Variants in TTLL4 observed in about 807,000 individuals in gnomAD.
The protein encoded by TTLL4 is tubulin tyrosine ligase like 4.
A neutral mutation model predicts 122.7 loss-of-function variants in TTLL4; 85 were observed. That is an observed-to-expected ratio of 0.69 (90% CI 0.58 to 0.83). The LOEUF (loss-of-function observed/expected upper bound fraction) is 0.83. Ranked by LOEUF, TTLL4 falls within the 40% of genes least tolerant of loss-of-function variation. The pLI is 0.00. For missense variants in TTLL4, 1,363 were observed against 1,488.6 expected (o/e 0.92, Z 1.39); for synonymous variants, 553 against 563.0 (o/e 0.98, Z 0.25).
chr2:218,754,713 T>C lies in TTLL4; in HGVS notation c.*324T>C, dbSNP rs1050613385. On this transcript the variant is annotated 3_prime_UTR_variant, in exon 20 of 20. Transcript: ENST00000392102. ...CCTTAAGTGAGCCATGTGTGGTTTG[T>C]CTGGGGGCCCTGGTGTGGTTGCTGA... The C allele has an allele frequency of 8.1e-6, 3 of 372,214 alleles. No homozygotes were observed. The highest frequency in any genetic ancestry group is 1.5e-5 in the Non-Finnish European group (3 of 203,560). The allele number at this position is 372,214 out of a possible 1,614,324, so 23.1% of individuals were successfully genotyped here.
In TTLL4 at chr2:218,717,475, T is replaced by G. The variant is rs184499554; in HGVS notation, c.-178+6438T>G. ...ACATAAACCCTTCCACTGGTTTCAC[T>G]TTTCAGTAATTTATAGGTTTACCTC... On this transcript the variant is annotated intron_variant, in intron 1 of 19. Transcript: ENST00000392102. Among the ~76,000 whole-genome samples, 332 of 152,292 alleles carry G rather than the reference T, an allele frequency of 2.2e-3. 1 individual carries two copies. The highest frequency in any genetic ancestry group is 7.7e-3 in the African/African-American group (322 of 41,560).
chr2:218,749,856 G>A (rs13026774), intron 14 of TTLL4, among the ~76,000 whole-genome samples, 153 bp from the exon 15 acceptor site: 1 of 152,208 alleles, frequency 6.6e-6, no homozygotes, highest in African/African-American at 2.4e-5. Flanking sequence ...TGGGGCAAGA[G>A]AGTCTTGTGA....
intron 1 of TTLL4, among the ~76,000 whole-genome samples, chr2:218,721,235 C>CAATTAATTAATT (rs10556568): frequency 6.6e-6 from 1 of 151,272 alleles, no homozygotes; most frequent in Non-Finnish European, 1.5e-5. Context: ...AATTTACCCC[C>CAATTAATTAATT]AATTAATTAA....
intron 13 of TTLL4, 32 bp downstream of exon 13, chr2:218,748,966 C>CT: frequency 1.9e-6 from 3 of 1,601,976 alleles, no homozygotes; most frequent in Non-Finnish European, 2.6e-6. Flanking sequence ...GATGTGGGGC[C>CT]TGCTGCTGAC....
At chr2:218,713,889 C>CA (rs900101653) in intron 1 of TTLL4, among the ~76,000 whole-genome samples, 2 of 152,106 alleles carry the variant, frequency 1.3e-5, no homozygotes, top group Admixed American at 1.3e-4. Context: ...GTAGTGTTGA[C>CA]AAAACCTGGT....
intron 2 of TTLL4, among the ~76,000 whole-genome samples, chr2:218,732,456 A>G (rs1441383280): frequency 1.3e-5 from 2 of 152,200 alleles, no homozygotes; most frequent in Non-Finnish European, 2.9e-5. Flanking sequence ...ACTGGGAGAA[A>G]GGTCTTCCAG....
chr2:218,715,725 G>A (rs928168706), intron 1 of TTLL4, among the ~76,000 whole-genome samples: 1 of 151,866 alleles, frequency 6.6e-6, no homozygotes, highest in Non-Finnish European at 1.5e-5. Flanking sequence ...CACCTTCCTC[G>A]TTCACGCCAT....
At chr2:218,721,766 G>A (rs1235752719) in intron 1 of TTLL4, among the ~76,000 whole-genome samples, 1 of 152,150 alleles carries the variant, frequency 6.6e-6, no homozygotes, top group African/African-American at 2.4e-5. Flanking sequence ...AAGTCCCTGT[G>A]CTCAAAGCTT....
Position 218,749,264 on chromosome 2 carries a change from A to T in TTLL4, c.2612A>T (p.Tyr871Phe), listed in dbSNP as rs373871833. ...ATCCCCATGACCAGGTCAGAGCCCTATGTGACCAGCCTGCTCAAGATGTAT... is the reference window on the plus strand; with the variant it reads ...ATCCCCATGACCAGGTCAGAGCCCTTTGTGACCAGCCTGCTCAAGATGTAT... ...VVKTIISSEPYVTSLLKMYVR... is the reference protein window; with the variant it reads ...VVKTIISSEPFVTSLLKMYVR... The change falls in exon 14 of 20, where the codon TAT (tyrosine) becomes TTT (phenylalanine). Residue 871 changes from tyrosine to phenylalanine, a missense_variant. Tyr to Phe is a conservative substitution (Grantham distance 22). This residue lies in a region of TTLL4 where 596 missense variants were observed against 655.8 expected (regional missense o/e 0.91). Coordinates refer to ENST00000392102, the MANE Select transcript of TTLL4 (RefSeq NM_014640.5). The T allele has an allele frequency of 1.4e-5, 22 of 1,613,960 alleles. No homozygotes were observed. The Admixed American group carries it at 3.3e-4, about 24-fold the overall frequency.
chr2:218,749,195 T>C (rs1160954929), intron 13 of TTLL4, 58 bp from the exon 14 acceptor site: 41 of 1,600,578 alleles, frequency 2.6e-5, no homozygotes, highest in Non-Finnish European at 3.5e-5. Context: ...GCAGGATAGC[T>C]CTGAGTAGAG....
chr2:218,748,730 G>A, intron 12 of TTLL4, 106 bp from the exon 13 acceptor site: 1 of 876,572 alleles, frequency 1.1e-6, no homozygotes, highest in Non-Finnish European at 1.8e-6. Flanking sequence ...ACTGCGAAAG[G>A]AAGAGATATG....
downstream of TTLL4, among the ~76,000 whole-genome samples, chr2:218,757,160 C>T (rs1397160121): frequency 1.3e-5 from 2 of 152,228 alleles, no homozygotes; most frequent in Non-Finnish European, 2.9e-5. Context: ...ACCTTCTCCA[C>T]TTGCTGTCCA....
intron 2 of TTLL4, among the ~76,000 whole-genome samples, chr2:218,735,965 GC>G (rs1322660069): frequency 1.7e-5 from 2 of 116,458 alleles, no homozygotes; most frequent in African/African-American, 3.6e-5. Context: ...ACCGTGCCCA[GC>G]CTTTTTTTTT....
intron 1 of TTLL4, among the ~76,000 whole-genome samples, chr2:218,721,602 T>C (rs952977612): frequency 6.6e-6 from 1 of 152,184 alleles, no homozygotes. Context: ...AGGTGAAATA[T>C]TCTGTACTGT....
rs187442207 is a variant in TTLL4 at position 218,721,551 on chromosome 2, G to A, written c.-177-5718G>A. Among the ~76,000 whole-genome samples the A allele has an allele frequency of 6.9e-4, 105 of 152,286 alleles. 1 individual carries two copies. Among genetic ancestry groups the A allele is most frequent in the African/African-American group, 2.4e-3 (101 of 41,556 alleles). On this transcript the variant is annotated intron_variant, in intron 1 of 19. Coordinates refer to ENST00000392102, the MANE Select transcript of TTLL4 (RefSeq NM_014640.5). ...GGATATCCAGCTGGTGGCCTCTGGAGCATTCCTTGGTGTGTGTGCCTCACA... is the reference window on the plus strand; with the variant it reads ...GGATATCCAGCTGGTGGCCTCTGGAACATTCCTTGGTGTGTGTGCCTCACA...
chr2:218,733,092 A>G (rs867241410), intron 2 of TTLL4, among the ~76,000 whole-genome samples: 2 of 152,112 alleles, frequency 1.3e-5, no homozygotes, highest in Admixed American at 6.6e-5. Context: ...CTTTGGAGCT[A>G]TTTCCCAGAA....
intron 2 of TTLL4, among the ~76,000 whole-genome samples, chr2:218,734,706 A>G: frequency 6.6e-6 from 1 of 152,158 alleles, no homozygotes; most frequent in Middle Eastern, 3.2e-3. Flanking sequence ...GCATTCTCCT[A>G]CCACTTTGGT....
At chr2:218,717,070 C>T (rs999967601) in intron 1 of TTLL4, among the ~76,000 whole-genome samples, 1 of 151,884 alleles carries the variant, frequency 6.6e-6, no homozygotes, top group Non-Finnish European at 1.5e-5. Flanking sequence ...CAGTCTCCAC[C>T]CCCCAGGCTC....
At chr2:218,757,924 T>G (rs1943184083), downstream of TTLL4, among the ~76,000 whole-genome samples, 4 of 152,224 alleles carry the variant, frequency 2.6e-5, no homozygotes, top group Admixed American at 2.6e-4. Flanking sequence ...CCCCAACTGC[T>G]GTGAGACTTG....
Sources: allele counts gnomAD v4.1 joint callset (sites outside exome capture counted in the v4.1 genomes callset), GRCh38; gene constraint gnomAD v4.1.1; regional missense constraint gnomAD v4.1.1; transcripts MANE v1.5; gene names NCBI Gene and HGNC (gene_info 2026-07-23, HGNC 2026-07-21).